The following IFT74 variants were observed in gnomAD, a reference collection of about 807,000 sequenced individuals.
IFT74 encodes intraflagellar transport protein 74 homolog.
Under a neutral mutation model 96.7 loss-of-function variants are expected in IFT74, and 92 were observed. The ratio of observed to expected loss-of-function variants is 0.95; its 90% CI spans 0.80 to 1.13. The LOEUF (loss-of-function observed/expected upper bound fraction) is 1.13, where lower values mean the gene tolerates loss of function less well. Among genes scored for constraint, IFT74 ranks in the 50% most tolerant of loss-of-function variants. The pLI is 0.00. For missense variants in IFT74, 811 were observed against 698.2 expected, an observed-to-expected ratio of 1.16 and a Z score of -1.82; for synonymous variants, 223 against 213.2, an observed-to-expected ratio of 1.05 and a Z score of -0.40.
intron 13 of IFT74, among the ~76,000 whole-genome samples, chr9:27,043,993 T>C (rs553326928): frequency 3.9e-5 from 6 of 152,348 alleles, no homozygotes; most frequent in Non-Finnish European, 8.8e-5. Context: ...TTAAAATTCT[T>C]TAGTAATTGT....
chr9:27,026,578 A>G (rs1032350775), intron 12 of IFT74, among the ~76,000 whole-genome samples: 3 of 152,238 alleles, frequency 2.0e-5, no homozygotes, highest in Non-Finnish European at 4.4e-5. Flanking sequence ...GATAGGCCAC[A>G]AAACAAGTCT....
At chr9:26,959,670 G>A (rs1270045054) in intron 1 of IFT74, among the ~76,000 whole-genome samples, 3 of 152,170 alleles carry the variant, frequency 2.0e-5, no homozygotes, top group Non-Finnish European at 4.4e-5. Context: ...TGGAGGGCAG[G>A]ATGGATGTAG....
chr9:27,025,154 G>A (rs761740042), intron 12 of IFT74, among the ~76,000 whole-genome samples: 2 of 151,942 alleles, frequency 1.3e-5, no homozygotes, highest in Admixed American at 1.3e-4. Flanking sequence ...CCAAATATAA[G>A]AATGTCATGG....
intron 10 of IFT74, among the ~76,000 whole-genome samples, chr9:27,015,392 C>T (rs1799202322): frequency 6.6e-6 from 1 of 152,120 alleles, no homozygotes; most frequent in African/African-American, 2.4e-5. Flanking sequence ...AATCCCAGCA[C>T]TTTGGGAGGC....
At chr9:27,047,774 G>A (rs1007871427) in intron 15 of IFT74, among the ~76,000 whole-genome samples, 4 of 152,078 alleles carry the variant, frequency 2.6e-5, no homozygotes, top group Non-Finnish European at 4.4e-5. Context: ...AAAGATTCTT[G>A]TATGTATATG....
At position 26,977,640 on chromosome 9, in the gene IFT74, C is replaced by T. The variant is rs1472311005; in HGVS notation, c.121-488C>T. ...AGTAGCCGGGATTACAGACGTGTGC[C>T]ACCACGCCTGGATAACTTTTGTATT... On this transcript the variant is annotated intron_variant, in intron 2 of 19. Transcript: ENST00000380062. 2.0e-5 allele frequency among the ~76,000 whole-genome samples: 3 copies of T among 152,110 alleles called. No homozygotes were observed. The East Asian group carries it at 5.8e-4, about 29-fold the overall frequency.
chr9:27,021,328 A>G (rs1317370696), intron 12 of IFT74, among the ~76,000 whole-genome samples: 2 of 152,026 alleles, frequency 1.3e-5, no homozygotes, highest in African/African-American at 2.4e-5. Context: ...AATGACTTCT[A>G]TTTCCTCTGG....
At chr9:27,032,426 G>A (rs1357976410) in intron 13 of IFT74, among the ~76,000 whole-genome samples, 1 of 152,124 alleles carries the variant, frequency 6.6e-6, no homozygotes. Flanking sequence ...TAGAATTTCT[G>A]AAACTTTAAG....
rs1414141645 is a variant in IFT74 at position 26,962,088 on chromosome 9, G to A, written c.120+1G>A. The A allele has an allele frequency of 2.5e-6, 4 of 1,614,074 alleles. No homozygotes were observed. Among genetic ancestry groups the A allele is most frequent in the African/African-American group, 2.7e-5 (2 of 75,058 alleles). Reference sequence around the variant, plus strand: ...AGGAAATATTCGAGTGGCAACTGCAGTAAGTTTGAAACAAATCTATTTACT... The same window carrying A: ...AGGAAATATTCGAGTGGCAACTGCAATAAGTTTGAAACAAATCTATTTACT... On this transcript the variant is annotated splice_donor_variant, in intron 2 of 19. Coordinates refer to ENST00000380062, the MANE Select transcript of IFT74 (RefSeq NM_025103.4). LOFTEE classifies it high-confidence loss of function.
At chr9:27,006,591 T>C (rs1257650371) in intron 8 of IFT74, among the ~76,000 whole-genome samples, 1 of 137,270 alleles carries the variant, frequency 7.3e-6, no homozygotes, top group Non-Finnish European at 1.5e-5. Flanking sequence ...GTGGTACCTG[T>C]CAAGAAAGAA....
At chr9:27,008,466 C>T (rs1048759038) in intron 8 of IFT74, among the ~76,000 whole-genome samples, 1 of 151,916 alleles carries the variant, frequency 6.6e-6, no homozygotes, top group South Asian at 2.1e-4. Flanking sequence ...TCAAGCGATT[C>T]TCCTGCCTCA....
At chr9:26,973,459 A>G (rs780498009) in intron 2 of IFT74, among the ~76,000 whole-genome samples, 11 of 152,226 alleles carry the variant, frequency 7.2e-5, no homozygotes, top group East Asian at 1.9e-4. Context: ...TTTGATGTCT[A>G]TTGGGGGAAC....
At position 26,978,025 on chromosome 9, in the gene IFT74, G is replaced by A. The variant is rs984801743; in HGVS notation, c.121-103G>A. The A allele has an allele frequency of 1.1e-5, 10 of 879,784 alleles. No homozygotes were observed. In the South Asian group the frequency reaches 2.0e-4, roughly 18 times the overall value. The allele number at this position is 879,784 out of a possible 1,614,324, so 54.5% of individuals were successfully genotyped here. On this transcript the variant is annotated intron_variant, in intron 2 of 19. Transcript: ENST00000380062. ...AAATAAGGAAATTTTTACAAATCAA[G>A]TAGAATTTTGTTTTTTTAAAAAATT...
chr9:26,995,582 T>A lies in IFT74; in HGVS notation c.587+5387T>A, dbSNP rs41271181. Reference sequence around the variant, plus strand: ...TTTGTCTTCAATAAATCCATCATCATCTACCACAAATGAATGTAATTGTTC... The same window carrying A: ...TTTGTCTTCAATAAATCCATCATCAACTACCACAAATGAATGTAATTGTTC... On this transcript the variant is annotated intron_variant, in intron 8 of 19. Coordinates refer to ENST00000380062, the MANE Select transcript of IFT74 (RefSeq NM_025103.4). 1.5e-3 allele frequency: 2,467 copies of A among 1,601,180 alleles called. 5 individuals are homozygous for A. The highest frequency in any genetic ancestry group is 1.5e-3 in the Non-Finnish European group (1,742 of 1,168,548).
intron 10 of IFT74, among the ~76,000 whole-genome samples, chr9:27,012,745 A>G (rs1298478502): frequency 9.3e-6 from 1 of 107,836 alleles, no homozygotes; most frequent in Non-Finnish European, 1.7e-5. Flanking sequence ...TAGACAGAGT[A>G]TCGCTCTGTT....
intron 10 of IFT74, among the ~76,000 whole-genome samples, chr9:27,016,158 A>G (rs1363142513): frequency 2.0e-5 from 3 of 152,192 alleles, no homozygotes; most frequent in African/African-American, 4.8e-5. Context: ...CAGCAGAGCC[A>G]TGCTTCCTCT....
chr9:27,004,423 A>G (rs1009538587), intron 8 of IFT74, among the ~76,000 whole-genome samples: 5 of 152,222 alleles, frequency 3.3e-5, no homozygotes, highest in Admixed American at 1.3e-4. Context: ...GATCCATACT[A>G]TCTGTGAGAG....
intron 2 of IFT74, among the ~76,000 whole-genome samples, chr9:26,962,411 C>G (rs894700256): frequency 6.6e-6 from 1 of 152,190 alleles, no homozygotes; most frequent in Non-Finnish European, 1.5e-5. Flanking sequence ...AAGATGCCTG[C>G]TCCTGCAGAT....
intron 6 of IFT74, 88 bp downstream of exon 6, chr9:26,984,647 A>G: frequency 1.0e-6 from 1 of 980,440 alleles, no homozygotes; most frequent in Admixed American, 2.0e-5. Flanking sequence ...GGCAAAGGAC[A>G]TGCACAGATA....
Sources: allele counts gnomAD v4.1 joint callset (sites outside exome capture counted in the v4.1 genomes callset), GRCh38; gene constraint gnomAD v4.1.1; transcripts MANE v1.5; gene names NCBI Gene and HGNC (gene_info 2026-07-23, HGNC 2026-07-21).